The following SUFU variants were observed in gnomAD, a reference collection of about 807,000 sequenced individuals.
The protein encoded by SUFU is suppressor of fused homolog.
A neutral mutation model predicts 58.9 loss-of-function variants in SUFU; 7 were observed. The observed-to-expected ratio is 0.12, with a 90% CI of 0.07 to 0.22. The LOEUF is 0.22. Among genes scored for constraint, SUFU ranks in the 10% least tolerant of loss-of-function variants. The probability of loss-of-function intolerance (pLI) is 1.00; values close to 1 mark genes in which losing one functional copy is unlikely to be tolerated. For synonymous variants in SUFU, 232 were observed against 254.8 expected (o/e 0.91, Z 0.85); for missense variants, 451 against 641.3 (o/e 0.70, Z 3.20).
intron 2 of SUFU, among the ~76,000 whole-genome samples, chr10:102,541,891 T>G (rs1207795894): frequency 6.9e-6 from 1 of 144,020 alleles, no homozygotes; most frequent in African/African-American, 2.6e-5. Context: ...TTTTTTTTTT[T>G]TTTTTTTGAG....
intron 2 of SUFU, among the ~76,000 whole-genome samples, chr10:102,511,567 T>G (rs1452033337): frequency 1.3e-5 from 2 of 152,224 alleles, no homozygotes; most frequent in African/African-American, 4.8e-5. Context: ...TTAAATGCTT[T>G]ACAATCTTAT....
rs36034579 is a variant in SUFU at position 102,572,392 on chromosome 10, C to CTT, written c.455-20176_455-20175dup. Reference sequence around the variant, plus strand: ...TGACCGGCCTCTCCCCTTTTTCTTTCTTTTTTTTTTTTTTTGAGACAGAGT... The same window carrying CTT: ...TGACCGGCCTCTCCCCTTTTTCTTTCTTTTTTTTTTTTTTTTTGAGACAGAGT... On this transcript the variant is annotated intron_variant, in intron 3 of 11. Coordinates refer to ENST00000369902, the MANE Select transcript of SUFU (RefSeq NM_016169.4). Among the ~76,000 whole-genome samples the CTT allele has an allele frequency of 1.5e-3, 190 of 130,234 alleles. 2 individuals carry two copies. Among genetic ancestry groups the CTT allele is most frequent in the East Asian group, 3.8e-3 (17 of 4,478 alleles). The allele number at this position is 130,234 out of a possible 152,430, so 85.4% of individuals were successfully genotyped here.
intron 3 of SUFU, among the ~76,000 whole-genome samples, chr10:102,553,123 T>C (rs922967954): frequency 2.0e-5 from 3 of 152,238 alleles, no homozygotes; most frequent in South Asian, 2.1e-4. Context: ...TACTTGACTT[T>C]CTATTTTCCA....
intron 8 of SUFU, among the ~76,000 whole-genome samples, chr10:102,608,811 T>A (rs777714561): frequency 4.5e-4 from 69 of 152,310 alleles, no homozygotes; most frequent in Middle Eastern, 3.4e-3. Context: ...TTTCCCTCTG[T>A]CCTCCTCAGA....
intron 2 of SUFU, among the ~76,000 whole-genome samples, chr10:102,523,298 AC>A (rs1394788972): frequency 1.3e-5 from 2 of 151,958 alleles, no homozygotes; most frequent in Non-Finnish European, 2.9e-5. Flanking sequence ...TCTAGTACTA[AC>A]CCTCATGTGA....
intron 7 of SUFU, among the ~76,000 whole-genome samples, chr10:102,598,023 C>G (rs1193070782): frequency 6.6e-6 from 1 of 152,214 alleles, no homozygotes; most frequent in East Asian, 1.9e-4. Context: ...ATTCTTCCAT[C>G]TTTTCTTTTT....
At chr10:102,535,628 TCTTCC>T in intron 2 of SUFU, among the ~76,000 whole-genome samples, 1 of 152,322 alleles carries the variant, frequency 6.6e-6, no homozygotes, top group Admixed American at 6.5e-5. Flanking sequence ...CATGGTCCCC[TCTTCC>T]CTTTCTTCTG....
rs905632126 is a variant in SUFU at position 102,633,476 on chromosome 10, T to A, written c.*3321T>A. ...AGAAGTGCCTGGGTTGTGTGCTCAT[T>A]TCTGGCTGCCTGAAGTAGTGGAGCC... On this transcript the variant is annotated 3_prime_UTR_variant, in exon 12 of 12. Transcript: ENST00000369902. The A allele has an allele frequency of 4.5e-6, 1 of 220,522 alleles. No individual in the cohort carries two copies. Among genetic ancestry groups the A allele is most frequent in the Admixed American group, 5.8e-5 (1 of 17,290 alleles). 13.7% of individuals were successfully genotyped at this position (220,522 alleles called of 1,614,324 possible).
intron 2 of SUFU, among the ~76,000 whole-genome samples, chr10:102,524,260 C>A (rs7078679): frequency 1.3e-5 from 2 of 151,152 alleles, no homozygotes; most frequent in Non-Finnish European, 2.9e-5. Context: ...TCTGTCTTGC[C>A]TCCTAAAGTG....
At chr10:102,518,311 C>T (rs2062497170) in intron 2 of SUFU, among the ~76,000 whole-genome samples, 1 of 152,156 alleles carries the variant, frequency 6.6e-6, no homozygotes, top group African/African-American at 2.4e-5. Flanking sequence ...TAAACCCAGG[C>T]AGTCTGGATC....
chr10:102,572,451 G>A (rs575050898), intron 3 of SUFU, among the ~76,000 whole-genome samples: 94 of 138,718 alleles, frequency 6.8e-4, no homozygotes, highest in African/African-American at 1.9e-3. Context: ...GTGTAGTGGC[G>A]CGATCTTGGC....
At chr10:102,590,581 T>G (rs2063389188) in intron 3 of SUFU, among the ~76,000 whole-genome samples, 1 of 152,194 alleles carries the variant, frequency 6.6e-6, no homozygotes, top group Non-Finnish European at 1.5e-5. Flanking sequence ...TGTCTTACCT[T>G]TGCTTTTCAT....
intron 2 of SUFU, among the ~76,000 whole-genome samples, chr10:102,532,080 G>A (rs1056173957): frequency 2.6e-5 from 4 of 151,718 alleles, no homozygotes; most frequent in Non-Finnish European, 4.4e-5. Flanking sequence ...CTCCTGCCTC[G>A]GCCTCCTGAG....
chr10:102,558,368 C>T (rs1590027799), intron 3 of SUFU, among the ~76,000 whole-genome samples: 1 of 152,268 alleles, frequency 6.6e-6, no homozygotes, highest in East Asian at 1.9e-4. Context: ...ACACCACCAC[C>T]CTCAGCTAAT....
chr10:102,558,297 A>G (rs1191108694), intron 3 of SUFU, among the ~76,000 whole-genome samples: 1 of 152,118 alleles, frequency 6.6e-6, no homozygotes, highest in Non-Finnish European at 1.5e-5. Flanking sequence ...TGCAGCCTCA[A>G]ATTTCTGGGC....
At chr10:102,542,626 CTTTTTT>C (rs55957762) in intron 2 of SUFU, among the ~76,000 whole-genome samples, 1 of 112,084 alleles carries the variant, frequency 8.9e-6, no homozygotes, top group African/African-American at 3.3e-5. Flanking sequence ...TCCTTTTGCT[CTTTTTT>C]TTTTTTTTTT....
At chr10:102,514,997 C>T (rs1169026249) in intron 2 of SUFU, among the ~76,000 whole-genome samples, 1 of 152,196 alleles carries the variant, frequency 6.6e-6, no homozygotes. Context: ...ATGCCCATGC[C>T]TCACCACCAT....
At chr10:102,584,468 A>G (rs1326026368) in intron 3 of SUFU, among the ~76,000 whole-genome samples, 1 of 152,162 alleles carries the variant, frequency 6.6e-6, no homozygotes, top group Non-Finnish European at 1.5e-5. Flanking sequence ...GGCATGAGCC[A>G]CCATGCCCGG....
At chr10:102,600,356 G>A (rs893802219) in intron 8 of SUFU, among the ~76,000 whole-genome samples, 1 of 152,210 alleles carries the variant, frequency 6.6e-6, no homozygotes, top group Non-Finnish European at 1.5e-5. Flanking sequence ...GGGTGATCTA[G>A]CCTTCTTCTA....
Sources: allele counts gnomAD v4.1 joint callset (sites outside exome capture counted in the v4.1 genomes callset), GRCh38; gene constraint gnomAD v4.1.1; transcripts MANE v1.5; gene names NCBI Gene and HGNC (gene_info 2026-07-23, HGNC 2026-07-21).